The following SEC11A variants were observed in gnomAD, a reference collection of about 807,000 sequenced individuals.
The protein encoded by SEC11A is signal peptidase complex catalytic subunit SEC11A.
In SEC11A, 14 loss-of-function variants were observed where a neutral mutation model predicts 25.6. That is an observed-to-expected ratio of 0.55 (90% CI 0.36 to 0.85). The LOEUF (loss-of-function observed/expected upper bound fraction) is 0.85, where lower values mean the gene tolerates loss of function less well. SEC11A is among the 40% of genes least tolerant of loss of function. SEC11A has a pLI of 0.01. For missense variants in SEC11A, 153 were observed against 222.9 expected (o/e 0.69, Z 2.00); for synonymous variants, 83 against 76.4 (o/e 1.09, Z -0.45).
intron 1 of SEC11A, among the ~76,000 whole-genome samples, chr15:84,698,594 A>C (rs939321859): frequency 2.0e-5 from 3 of 152,258 alleles, no homozygotes; most frequent in Non-Finnish European, 4.4e-5. Flanking sequence ...TTAAATGATA[A>C]TTTTTTAAAT....
intron 1 of SEC11A, among the ~76,000 whole-genome samples, chr15:84,715,777 A>T (rs1898444283): frequency 6.6e-6 from 1 of 152,178 alleles, no homozygotes. Context: ...CCCCTGCCTC[A>T]GTGGGAGGAA....
At position 84,669,933 on chromosome 15, in the gene SEC11A, A is replaced by G; in HGVS notation, c.*86T>C. 2 of 1,602,380 alleles carry G rather than the reference A, an allele frequency of 1.2e-6. No individual in the cohort carries two copies. The highest frequency in any genetic ancestry group is 1.1e-5 in the South Asian group (1 of 88,554). On this transcript the variant is annotated 3_prime_UTR_variant, in exon 6 of 6. Coordinates refer to ENST00000268220, the MANE Select transcript of SEC11A (RefSeq NM_014300.4). ...AGAAGCACCAACACGTGTGTTCTCCATTCCACCAATCACAGACCAGTATCT... is the reference window on the plus strand; with the variant it reads ...AGAAGCACCAACACGTGTGTTCTCCGTTCCACCAATCACAGACCAGTATCT...
At chr15:84,681,730 A>C (rs1035199029) in intron 3 of SEC11A, among the ~76,000 whole-genome samples, 1 of 152,180 alleles carries the variant, frequency 6.6e-6, no homozygotes, top group Non-Finnish European at 1.5e-5. Context: ...TGTTTAAGAA[A>C]GTTATGACAC....
At chr15:84,705,763 G>A (rs1444439524) in intron 1 of SEC11A, among the ~76,000 whole-genome samples, 2 of 151,552 alleles carry the variant, frequency 1.3e-5, no homozygotes, top group South Asian at 4.2e-4. Context: ...ACTGAGGCAG[G>A]AGAACCGCTT....
Position 84,693,347 on chromosome 15 carries a change from C to CA in SEC11A, c.52-1704dup, listed in dbSNP as rs373482336. 1.0e-3 allele frequency among the ~76,000 whole-genome samples: 120 copies of CA among 118,400 alleles called. 1 individual carries two copies. The Middle Eastern group carries it at 0.023, about 23-fold the overall frequency. The allele number at this position is 118,400 out of a possible 152,430, so 77.7% of individuals were successfully genotyped here. The stretch of plus-strand genomic sequence containing the variant: ...CACAAACTTTGGCTGGATCTTGGTT[C>CA]AAAAAAAAAAAAGCATAAGAAAAAA... On this transcript the variant is annotated intron_variant, in intron 1 of 5. Transcript: ENST00000268220.
At chr15:84,712,486 C>T (rs1898309718) in intron 1 of SEC11A, among the ~76,000 whole-genome samples, 1 of 145,706 alleles carries the variant, frequency 6.9e-6, no homozygotes, top group African/African-American at 2.5e-5. Flanking sequence ...CTTGCTCTGT[C>T]GCCCAGGCTG....
At chr15:84,703,956 C>T (rs565653672) in intron 1 of SEC11A, among the ~76,000 whole-genome samples, 6 of 152,144 alleles carry the variant, frequency 3.9e-5, no homozygotes, top group Non-Finnish European at 8.8e-5. Flanking sequence ...TCTTACCCAA[C>T]GGACTCATGA....
At chr15:84,679,655 G>C (rs886836514) in intron 4 of SEC11A, among the ~76,000 whole-genome samples, 1 of 152,188 alleles carries the variant, frequency 6.6e-6, no homozygotes, top group Non-Finnish European at 1.5e-5. Context: ...GAAATGTTAC[G>C]CTAGTAATTT....
chr15:84,689,645 T>C (rs1209629714), intron 2 of SEC11A, among the ~76,000 whole-genome samples: 11 of 150,448 alleles, frequency 7.3e-5, no homozygotes, highest in African/African-American at 2.4e-4. Flanking sequence ...ATTTCAATTG[T>C]CACCCAGGCT....
chr15:84,710,535 G>A (rs1463660171), intron 1 of SEC11A, among the ~76,000 whole-genome samples: 1 of 152,122 alleles, frequency 6.6e-6, no homozygotes, highest in Non-Finnish European at 1.5e-5. Flanking sequence ...TACTCTGGAG[G>A]CTGTGGCAGG....
chr15:84,682,168 C>T (rs1332808506), intron 3 of SEC11A, among the ~76,000 whole-genome samples: 1 of 151,842 alleles, frequency 6.6e-6, no homozygotes, highest in Non-Finnish European at 1.5e-5. Flanking sequence ...CATGGGGGTT[C>T]CTCATACCCT....
intron 2 of SEC11A, among the ~76,000 whole-genome samples, chr15:84,689,461 T>C (rs1897535363): frequency 6.6e-6 from 1 of 152,170 alleles, no homozygotes; most frequent in Non-Finnish European, 1.5e-5. Context: ...ACTTAGGTTC[T>C]AGATAATGTT....
At chr15:84,681,957 C>G (rs922707403) in intron 3 of SEC11A, among the ~76,000 whole-genome samples, 1 of 152,058 alleles carries the variant, frequency 6.6e-6, no homozygotes, top group East Asian at 1.9e-4. Flanking sequence ...GTGGTTCCAG[C>G]TGAGTTAAGA....
At chr15:84,715,225 A>G (rs2141935709) in intron 1 of SEC11A, among the ~76,000 whole-genome samples, 1 of 152,358 alleles carries the variant, frequency 6.6e-6, no homozygotes, top group East Asian at 1.9e-4. Flanking sequence ...ACAAAAAAAA[A>G]GTCCGATGCA....
chr15:84,679,544 A>G (rs1897230000), intron 4 of SEC11A, among the ~76,000 whole-genome samples: 1 of 152,232 alleles, frequency 6.6e-6, no homozygotes, highest in Non-Finnish European at 1.5e-5. Context: ...ATAACTCTGT[A>G]TCCATACAGT....
intron 4 of SEC11A, among the ~76,000 whole-genome samples, chr15:84,675,072 A>G (rs975975555): frequency 2.6e-5 from 4 of 152,320 alleles, no homozygotes; most frequent in Admixed American, 1.3e-4. Context: ...TAATGCTGCT[A>G]TCATCAGTCA....
At chr15:84,693,390 G>A (rs189402004) in intron 1 of SEC11A, among the ~76,000 whole-genome samples, 2 of 149,268 alleles carry the variant, frequency 1.3e-5, no homozygotes, top group Admixed American at 1.3e-4. Context: ...ATTTTGGGGT[G>A]AACTGGGGAA....
intron 2 of SEC11A, among the ~76,000 whole-genome samples, chr15:84,690,212 C>T (rs1596075442): frequency 6.6e-6 from 1 of 152,118 alleles, no homozygotes; most frequent in African/African-American, 2.4e-5. Context: ...CTGTGCTGTT[C>T]TAGTAACAGT....
At chr15:84,697,136 C>T (rs1438569483) in intron 1 of SEC11A, among the ~76,000 whole-genome samples, 2 of 151,974 alleles carry the variant, frequency 1.3e-5, no homozygotes, top group African/African-American at 2.4e-5. Flanking sequence ...GTGGCACACA[C>T]CTGTAGTCCC....
Sources: gnomAD v4.1 joint callset for allele counts (sites outside exome capture counted in the v4.1 genomes callset) on GRCh38, gnomAD v4.1.1 for gene constraint, MANE v1.5 for transcripts, NCBI Gene and HGNC (gene_info 2026-07-23, HGNC 2026-07-21) for gene names.